The following PLEKHA5 variants were observed in gnomAD, a reference collection of about 807,000 sequenced individuals.
PLEKHA5 encodes the protein pleckstrin homology domain-containing family A member 5.
PLEKHA5 carries 55 observed loss-of-function variants against 181.9 expected under a neutral mutation model. The observed-to-expected ratio is 0.30, with a 90% CI of 0.24 to 0.38. PLEKHA5 has a LOEUF of 0.38. Ranked by LOEUF, PLEKHA5 falls within the 10% of genes least tolerant of loss-of-function variation. The probability of loss-of-function intolerance (pLI) is 1.00; values close to 1 mark genes in which losing one functional copy is unlikely to be tolerated. For synonymous variants in PLEKHA5, 535 were observed against 529.4 expected, an observed-to-expected ratio of 1.01 and a Z score of -0.15; for missense variants, 1,432 against 1,549.5, an observed-to-expected ratio of 0.92 and a Z score of 1.27.
At chr12:19,259,971 T>G (rs2067972491) in intron 6 of PLEKHA5, among the ~76,000 whole-genome samples, 1 of 151,938 alleles carries the variant, frequency 6.6e-6, no homozygotes, top group Admixed American at 6.6e-5. Flanking sequence ...CTTTTTTCTT[T>G]TTTCTTTTTT....
chr12:19,353,058 G>A (rs992436456), intron 25 of PLEKHA5, among the ~76,000 whole-genome samples: 1 of 151,870 alleles, frequency 6.6e-6, no homozygotes, highest in African/African-American at 2.4e-5. Flanking sequence ...AAAGTGCTAG[G>A]ATTACAGGCA....
intron 11 of PLEKHA5, among the ~76,000 whole-genome samples, chr12:19,278,807 C>T (rs2075307469): frequency 6.6e-6 from 1 of 152,148 alleles, no homozygotes; most frequent in African/African-American, 2.4e-5. Context: ...CTTTCTCCCT[C>T]TCTCCACCCC....
intron 9 of PLEKHA5, 136 bp downstream of exon 9, chr12:19,270,021 C>A: frequency 3.2e-6 from 2 of 634,846 alleles, no homozygotes; most frequent in South Asian, 2.2e-5. Context: ...AAGCAAGGAT[C>A]AATTCCTGTT....
At chr12:19,334,816 C>CAGAAAAAAAAA (rs2093199604) in intron 20 of PLEKHA5, among the ~76,000 whole-genome samples, 3 of 1,822 alleles carry the variant, frequency 1.6e-3, no homozygotes, top group Non-Finnish European at 0.019. Flanking sequence ...ATCCTGTCTT[C>CAGAAAAAAAAA]ACAAAAAAAA....
intron 3 of PLEKHA5, among the ~76,000 whole-genome samples, chr12:19,158,702 G>A (rs748155760): frequency 6.6e-6 from 1 of 152,132 alleles, no homozygotes; most frequent in Non-Finnish European, 1.5e-5. Context: ...TGTGGAGTTT[G>A]TGGAGTTTTT....
intron 29 of PLEKHA5, among the ~76,000 whole-genome samples, chr12:19,364,658 CACTA>C (rs2095366981): frequency 1.3e-5 from 2 of 151,252 alleles, no homozygotes; most frequent in South Asian, 2.1e-4. Flanking sequence ...CCCCTGAACT[CACTA>C]ATGTTTGTTT....
rs916534151 is a variant in PLEKHA5, at chr12:19,349,057, C to CTT, written c.3019+550_3019+551dup. ...GTTTCCCATTTCCTGGGAGAGTTTT[C>CTT]TTTTTTTTTTTTTCTGTTTCTGGTG... On this transcript the variant is annotated intron_variant, in intron 25 of 31. Transcript: ENST00000429027. 3.6e-3 allele frequency among the ~76,000 whole-genome samples: 504 copies of CTT among 138,582 alleles called. 3 individuals are homozygous for CTT. Among genetic ancestry groups the CTT allele is most frequent in the African/African-American group, 0.013 (477 of 37,830 alleles). 90.9% of individuals were successfully genotyped at this position (138,582 alleles called of 152,430 possible). A position where few individuals can be genotyped will look rare whatever the true frequency, so the allele number is the denominator to read the frequency against.
Position 19,343,394 on chromosome 12 carries a change from G to T in PLEKHA5, c.2622G>T (p.Gly874=). 2 of 1,613,050 alleles carry T rather than the reference G, an allele frequency of 1.2e-6. No individual in the cohort carries two copies. The highest frequency in any genetic ancestry group is 8.5e-7 in the Non-Finnish European group (1 of 1,179,088). Residue 874 remains glycine (G), a synonymous_variant, in exon 22 of 32, where the codon GGG becomes GGT. Transcript: ENST00000429027. ...GGCGAATTCAGGATGTCATGGAAGGGCTGAGTAAACATAAGCAGCAAAGAG... is the reference window on the plus strand; with the variant it reads ...GGCGAATTCAGGATGTCATGGAAGGTCTGAGTAAACATAAGCAGCAAAGAG... ...ELWRIQDVME[G]LSKHKQQRGT...
chr12:19,306,669 C>T (rs1383559375), intron 15 of PLEKHA5: 6 of 1,461,502 alleles, frequency 4.1e-6, no homozygotes, highest in Non-Finnish European at 5.7e-6. Context: ...TCTCCCCGGG[C>T]GCTAGCTCTG....
intron 3 of PLEKHA5, among the ~76,000 whole-genome samples, chr12:19,214,237 G>A (rs182762750): frequency 4.3e-5 from 6 of 138,500 alleles, no homozygotes; most frequent in Non-Finnish European, 6.2e-5. Flanking sequence ...GGAAAACCAG[G>A]AGAGGGGAGT....
chr12:19,161,236 A>C (rs2042893951), intron 3 of PLEKHA5, among the ~76,000 whole-genome samples: 1 of 152,100 alleles, frequency 6.6e-6, no homozygotes, highest in Non-Finnish European at 1.5e-5. Context: ...CATTATTTTA[A>C]AGGAAGAGAA....
intron 3 of PLEKHA5, among the ~76,000 whole-genome samples, chr12:19,244,738 G>A (rs544820665): frequency 3.0e-4 from 45 of 152,204 alleles, no homozygotes; most frequent in Admixed American, 1.0e-3. Flanking sequence ...TATATTACTC[G>A]TTTTGCGCAG....
chr12:19,239,360 C>T (rs373132287), intron 3 of PLEKHA5, among the ~76,000 whole-genome samples: 2 of 152,200 alleles, frequency 1.3e-5, no homozygotes, highest in South Asian at 2.1e-4. Context: ...CCCATGTCTC[C>T]AGTTATTGCC....
rs2078229232 is a variant in PLEKHA5 at position 19,290,765 on chromosome 12, T to G, written c.1952T>G (p.Met651Arg). 6.5e-7 allele frequency: 1 copy of G among 1,535,600 alleles called. No homozygotes were observed. The highest frequency in any genetic ancestry group is 2.0e-5 in the Admixed American group (1 of 50,964). Residue 651 changes from methionine to arginine, a missense_variant, in exon 14 of 32, where the codon ATG (methionine) becomes AGG (arginine). Met to Arg is a moderately conservative substitution (Grantham distance 91, BLOSUM62 -1). Coordinates refer to ENST00000429027, the MANE Select transcript of PLEKHA5 (RefSeq NM_001256470.2). ...CGGGAGCATACGTTAGCACAGCTCA[T>G]GCAGCTAAAGCTTGAGGCCCACAGC... is the stretch of plus-strand genomic sequence containing the variant. ...SIREHTLAQL[M>R]QLKLEAHSPK...
At chr12:19,208,004 A>C (rs941450315) in intron 3 of PLEKHA5, among the ~76,000 whole-genome samples, 20 of 152,182 alleles carry the variant, frequency 1.3e-4, no homozygotes, top group African/African-American at 4.8e-4. Context: ...GTAACCAAGT[A>C]AAGACTTTGA....
chr12:19,345,373 C>G (rs2094250386), intron 22 of PLEKHA5, among the ~76,000 whole-genome samples: 1 of 149,480 alleles, frequency 6.7e-6, no homozygotes, highest in African/African-American at 2.5e-5. Context: ...GCACTCCAGC[C>G]TGGGCGACAG....
At chr12:19,361,392 C>T (rs572102607) in intron 28 of PLEKHA5, among the ~76,000 whole-genome samples, 190 bp from the exon 29 acceptor site, 1 of 152,154 alleles carries the variant, frequency 6.6e-6, no homozygotes, top group Admixed American at 6.5e-5. Flanking sequence ...ACCGTGTTAG[C>T]CAGGATGGTC....
At chr12:19,271,370 T>A (rs2072715561) in intron 10 of PLEKHA5, among the ~76,000 whole-genome samples, 1 of 152,124 alleles carries the variant, frequency 6.6e-6, no homozygotes, top group South Asian at 2.1e-4. Context: ...CTGGGCGTAG[T>A]ACCACACTCT....
rs55983306 is a variant in PLEKHA5 at position 19,327,247 on chromosome 12, G to GTTTTTTTT, written c.2448+4590_2448+4597dup. On this transcript the variant is annotated intron_variant, in intron 20 of 31. Coordinates refer to ENST00000429027, the MANE Select transcript of PLEKHA5 (RefSeq NM_001256470.2). ...TGCAGTCTTGCCAGCATCTGTTTTT[G>GTTTTTTTT]TTTTTTTTTTTTTTTTTACTTTTTA... 1.1e-3 allele frequency among the ~76,000 whole-genome samples: 154 copies of GTTTTTTTT among 137,348 alleles called. 1 individual carries two copies. The highest frequency in any genetic ancestry group is 1.5e-3 in the Non-Finnish European group (95 of 63,668). 90.1% of individuals were successfully genotyped at this position (137,348 alleles called of 152,430 possible).
Sources: allele counts gnomAD v4.1 joint callset (sites outside exome capture counted in the v4.1 genomes callset), GRCh38; gene constraint gnomAD v4.1.1; transcripts MANE v1.5; gene names NCBI Gene and HGNC (gene_info 2026-07-23, HGNC 2026-07-21).